The following CTNNA3 variants were observed in gnomAD, a reference collection of about 807,000 sequenced individuals.
The protein encoded by CTNNA3 is catenin alpha 3, also known as catenin alpha-3.
Under a neutral mutation model 95.7 loss-of-function variants are expected in CTNNA3, and 76 were observed. That is an observed-to-expected ratio of 0.79 (90% CI 0.66 to 0.96). CTNNA3 has a LOEUF of 0.96. Ranked by LOEUF, CTNNA3 falls within the 40% of genes least tolerant of loss-of-function variation. CTNNA3 has a pLI of 0.00. For missense variants in CTNNA3, 1,191 were observed against 1,089.8 expected (o/e 1.09, Z -1.31); for synonymous variants, 431 against 374.4 (o/e 1.15, Z -1.74).
At chr10:65,953,389 T>C (rs1288144248) in intron 17 of CTNNA3, among the ~76,000 whole-genome samples, 1 of 152,084 alleles carries the variant, frequency 6.6e-6, no homozygotes. Context: ...TTTTTAGTGT[T>C]TTTTCTTTTA....
intron 13 of CTNNA3, among the ~76,000 whole-genome samples, chr10:66,156,113 T>C (rs951656483): frequency 6.6e-6 from 1 of 151,904 alleles, no homozygotes; most frequent in African/African-American, 2.4e-5. Context: ...CTCTGAAAGG[T>C]AGACAGAAGT....
chr10:66,405,820 C>G (rs1043477481), intron 11 of CTNNA3, among the ~76,000 whole-genome samples: 1 of 152,118 alleles, frequency 6.6e-6, no homozygotes, highest in African/African-American at 2.4e-5. Flanking sequence ...CAAACTAAAC[C>G]TCCTGGTTTT....
intron 12 of CTNNA3, among the ~76,000 whole-genome samples, chr10:66,328,903 C>CATATATACATATATATATATAT (rs2132310530): frequency 2.6e-5 from 1 of 38,780 alleles, no homozygotes; most frequent in African/African-American, 6.0e-5. Context: ...CACACACACA[C>CATATATACATATATATATATAT]ATATATACAT....
chr10:66,185,336 A>G (rs1407757495), intron 13 of CTNNA3, among the ~76,000 whole-genome samples: 1 of 152,124 alleles, frequency 6.6e-6, no homozygotes, highest in African/African-American at 2.4e-5. Context: ...TTATTCAGAT[A>G]TAACCTTACC....
At chr10:67,747,300 G>A (rs1296440675) in intron 1 of CTNNA3, among the ~76,000 whole-genome samples, 2 of 152,154 alleles carry the variant, frequency 1.3e-5, no homozygotes, top group East Asian at 3.9e-4. Context: ...TTATTAAGTG[G>A]GTCCTGGATC....
chr10:66,816,034 G>A (rs1842066831), intron 7 of CTNNA3, among the ~76,000 whole-genome samples: 1 of 152,268 alleles, frequency 6.6e-6, no homozygotes, highest in Admixed American at 6.5e-5. Context: ...ACCAATTCGT[G>A]TTGACGGGCA....
chr10:66,107,414 G>A (rs1011843345), intron 13 of CTNNA3, among the ~76,000 whole-genome samples: 5 of 152,096 alleles, frequency 3.3e-5, no homozygotes, highest in African/African-American at 1.2e-4. Context: ...AACATTATTC[G>A]GTGACTGGGA....
chr10:66,211,775 G>A (rs192627374), intron 13 of CTNNA3, among the ~76,000 whole-genome samples: 100 of 152,210 alleles, frequency 6.6e-4, no homozygotes, highest in African/African-American at 2.3e-3. Context: ...CGATGATGGG[G>A]AACACCAAAC....
At chr10:66,030,663 T>A (rs936987771) in intron 15 of CTNNA3, among the ~76,000 whole-genome samples, 1 of 152,186 alleles carries the variant, frequency 6.6e-6, no homozygotes, top group Non-Finnish European at 1.5e-5. Flanking sequence ...AATTTATGAC[T>A]AAGTCCTCAA....
rs1279908658 is a variant in CTNNA3 at position 67,750,469 on chromosome 10, G to T, written c.-2+12965C>A. 6.6e-6 allele frequency: 10 copies of T among 1,518,914 alleles called. No homozygotes were observed. The East Asian group carries it at 2.3e-4, about 34-fold the overall frequency. 94.1% of individuals were successfully genotyped at this position (1,518,914 alleles called of 1,614,324 possible). On this transcript the variant is annotated intron_variant, in intron 1 of 17. Transcript: ENST00000684154. The stretch of plus-strand genomic sequence containing the variant: ...AGGTGGGGGAAGCCATCCAAGAGAA[G>T]ATCCAAGAGAAGGCTGTAAAGCGGG...
intron 5 of CTNNA3, among the ~76,000 whole-genome samples, chr10:67,498,450 G>GT (rs1289335886): frequency 6.6e-6 from 1 of 152,118 alleles, no homozygotes; most frequent in Admixed American, 6.5e-5. Context: ...ATTTAAAGTC[G>GT]TTTTTTCTAA....
chr10:66,076,620 T>C (rs2080567094), intron 14 of CTNNA3, among the ~76,000 whole-genome samples: 1 of 151,846 alleles, frequency 6.6e-6, no homozygotes, highest in Non-Finnish European at 1.5e-5. Flanking sequence ...ACTTTCACTG[T>C]TATAAAACTG....
At chr10:67,366,371 TAAAG>T (rs148122667) in intron 5 of CTNNA3, among the ~76,000 whole-genome samples, 105,698 of 151,336 alleles carry the variant, frequency 0.7, 41,642 homozygotes, top group Non-Finnish European at 0.88. Flanking sequence ...TAAAATAAAA[TAAAG>T]AAAAGAAATT....
intron 7 of CTNNA3, among the ~76,000 whole-genome samples, chr10:66,963,379 A>G (rs1589502801): frequency 6.6e-6 from 1 of 152,352 alleles, no homozygotes; most frequent in South Asian, 2.1e-4. Flanking sequence ...AAATGTGATT[A>G]TATGATTAAT....
At chr10:66,452,403 T>C (rs758512499) in intron 11 of CTNNA3, among the ~76,000 whole-genome samples, 2 of 152,132 alleles carry the variant, frequency 1.3e-5, no homozygotes, top group South Asian at 2.1e-4. Flanking sequence ...ACAAAAATTA[T>C]GACAGTGAAA....
intron 1 of CTNNA3, among the ~76,000 whole-genome samples, chr10:67,656,541 C>T (rs888214245): frequency 4.6e-5 from 7 of 151,880 alleles, no homozygotes; most frequent in South Asian, 2.1e-4. Flanking sequence ...TAAATGATTT[C>T]GTATATTAGA....
At chr10:66,424,241 A>G (rs1178223221) in intron 11 of CTNNA3, among the ~76,000 whole-genome samples, 1 of 152,080 alleles carries the variant, frequency 6.6e-6, no homozygotes, top group Admixed American at 6.6e-5. Context: ...TTATTTTACT[A>G]AATTTTCAAA....
Position 66,201,783 on chromosome 10 carries a change from C to CTTTTTTT in CTNNA3, c.1884+78680_1884+78686dup, listed in dbSNP as rs1236010501. Among the ~76,000 whole-genome samples, 644 of 79,182 alleles carry CTTTTTTT rather than the reference C, an allele frequency of 8.1e-3. 8 individuals are homozygous for CTTTTTTT. The highest frequency in any genetic ancestry group is 0.014 in the Middle Eastern group (1 of 70). The allele number at this position is 79,182 out of a possible 152,430, so 51.9% of individuals were successfully genotyped here. ...GATTGTTGCTGTCTTTTTACTTTTT[C>CTTTTTTT]TTTTTTTTTTTTTTTTTTTTTTGAG... is the stretch of plus-strand genomic sequence containing the variant. On this transcript the variant is annotated intron_variant, in intron 13 of 17. Transcript: ENST00000433211.
At chr10:65,945,899 G>T (rs1030585075) in intron 17 of CTNNA3, among the ~76,000 whole-genome samples, 3 of 152,142 alleles carry the variant, frequency 2.0e-5, no homozygotes, top group Non-Finnish European at 4.4e-5. Context: ...CAGAAATGAA[G>T]AATAAGAACC....
Sources: gnomAD v4.1 joint callset for allele counts (sites outside exome capture counted in the v4.1 genomes callset) on GRCh38, gnomAD v4.1.1 for gene constraint, MANE v1.5 for transcripts, NCBI Gene and HGNC (gene_info 2026-07-23, HGNC 2026-07-21) for gene names.